The following WNK3 variants were observed in gnomAD, a reference collection of about 807,000 sequenced individuals.
WNK3 encodes the protein WNK lysine deficient protein kinase 3, also known as serine/threonine-protein kinase WNK3.
Under a neutral mutation model 116.7 loss-of-function variants are expected in WNK3, and 18 were observed. The ratio of observed to expected loss-of-function variants is 0.15; its 90% confidence interval spans 0.11 to 0.23. The LOEUF is 0.23. Among genes scored for constraint, WNK3 ranks in the 10% least tolerant of loss-of-function variants. The pLI is 1.00. For missense variants in WNK3, 993 were observed against 1,323.8 expected (o/e 0.75, Z 3.88); for synonymous variants, 404 against 469.4 (o/e 0.86, Z 1.80).
chrX:54,357,327 C>T (rs1219311779), intron 1 of WNK3, among the ~76,000 whole-genome samples: 2 of 109,652 alleles, frequency 1.8e-5, no homozygotes, highest in Non-Finnish European at 3.8e-5. Flanking sequence ...AAAGTTGTCA[C>T]CCCTCAACAA....
At chrX:54,318,782 T>C (rs2068993583) in intron 2 of WNK3, among the ~76,000 whole-genome samples, 2 of 110,499 alleles carry the variant, frequency 1.8e-5, no homozygotes, top group Non-Finnish European at 3.8e-5. Flanking sequence ...TAATAAGTCT[T>C]TTCTTTTTTT....
chrX:54,308,607 A>G (rs370617955), intron 4 of WNK3, among the ~76,000 whole-genome samples: 1 of 112,299 alleles, frequency 8.9e-6, no homozygotes, highest in South Asian at 3.7e-4. Context: ...AGATTAGGTA[A>G]CGATTAATAA....
chrX:54,306,632 G>A (rs1181243396), intron 5 of WNK3, among the ~76,000 whole-genome samples: 1 of 111,053 alleles, frequency 9.0e-6, no homozygotes, highest in East Asian at 2.8e-4. Flanking sequence ...CAGAGACTGG[G>A]AGTTGTGGGG....
intron 22 of WNK3, among the ~76,000 whole-genome samples, chrX:54,215,909 G>A (rs1376023399): frequency 4.5e-5 from 5 of 111,646 alleles, no homozygotes; most frequent in African/African-American, 1.6e-4. Flanking sequence ...AGTAGACATA[G>A]GAGACTCCAT....
intron 2 of WNK3, among the ~76,000 whole-genome samples, 165 bp downstream of exon 2, chrX:54,332,972 A>C (rs1200202761): frequency 9.0e-6 from 1 of 110,639 alleles, no homozygotes; most frequent in Non-Finnish European, 1.9e-5. Flanking sequence ...AAAAGTTTGG[A>C]GTGAGCTCCT....
At chrX:54,337,741 G>GT (rs2147277128) in intron 1 of WNK3, among the ~76,000 whole-genome samples, 1 of 108,790 alleles carries the variant, frequency 9.2e-6, no homozygotes, top group Admixed American at 1.0e-4. Flanking sequence ...GGGTGACTGA[G>GT]TGAGACCCTG....
intron 10 of WNK3, among the ~76,000 whole-genome samples, chrX:54,289,464 C>G (rs2068615585): frequency 9.0e-6 from 1 of 111,261 alleles, no homozygotes; most frequent in African/African-American, 3.3e-5. Context: ...GGCTGAATCA[C>G]ACTTTCAATA....
chrX:54,278,795 G>C (rs1393951829), intron 10 of WNK3, among the ~76,000 whole-genome samples: 1 of 112,035 alleles, frequency 8.9e-6, no homozygotes, highest in Admixed American at 9.5e-5. Context: ...CATAGGCCGG[G>C]CGTGGTGGTT....
intron 1 of WNK3, among the ~76,000 whole-genome samples, chrX:54,353,243 G>A (rs940608122): frequency 3.6e-5 from 4 of 111,464 alleles, no homozygotes; most frequent in African/African-American, 1.3e-4. Flanking sequence ...CGGATCACCT[G>A]AGGTCAGGAG....
exon 16 of WNK3, chrX:54,250,006 G>T: frequency 8.3e-7 from 1 of 1,202,134 alleles, no homozygotes. Context: ...GGAAGTGGAT[G>T]TCGGCCAGGA....
At chrX:54,293,008 C>T (rs370787535) in exon 10 of WNK3, 59 of 1,207,803 alleles carry the variant, frequency 4.9e-5, no homozygotes, top group Middle Eastern at 2.3e-4. Context: ...GCAAAATCTG[C>T]GGCTGAGTCA....
chrX:54,354,187 T>C (rs1426443139), intron 1 of WNK3, among the ~76,000 whole-genome samples: 1 of 111,827 alleles, frequency 8.9e-6, no homozygotes, highest in Non-Finnish European at 1.9e-5. Flanking sequence ...CCAAATCTCA[T>C]AACAAGCTCT....
intron 22 of WNK3, among the ~76,000 whole-genome samples, chrX:54,219,418 AC>A (rs1557146087): frequency 1.8e-5 from 2 of 109,864 alleles, no homozygotes; most frequent in African/African-American, 6.6e-5. Flanking sequence ...GGTGGCTCAC[AC>A]CTGTAATCCC....
intron 10 of WNK3, among the ~76,000 whole-genome samples, chrX:54,289,368 C>A (rs1163772644): frequency 9.9e-5 from 11 of 110,715 alleles, no homozygotes; most frequent in Admixed American, 4.9e-4. Flanking sequence ...CAAAGGGCAG[C>A]TGCTCAGGAG....
chrX:54,286,193 A>G (rs906934330), intron 10 of WNK3, among the ~76,000 whole-genome samples: 2 of 109,802 alleles, frequency 1.8e-5, no homozygotes, highest in African/African-American at 6.6e-5. Flanking sequence ...TAGTGCAGGA[A>G]AACAAACAAA....
In WNK3 at chrX:54,248,842, T is replaced by G; in HGVS notation, c.3506A>C (p.Lys1169Thr). The G allele has an allele frequency of 2.5e-6, 3 of 1,211,622 alleles. No individual in the cohort carries two copies. The African/African-American group carries it at 5.2e-5, about 21-fold the overall frequency. The change falls in exon 17 of 24, where the codon AAA becomes ACA. Residue 1169 changes from lysine to threonine, a missense_variant. Physicochemically the swap from Lys to Thr is moderately conservative, Grantham distance 78. Around this residue, in one of 4 missense-constraint regions of WNK3, gnomAD observed 836 missense variants for 976.5 expected, o/e 0.86. Coordinates refer to ENST00000354646, the Ensembl canonical transcript of WNK3. ...ATTAGGGGATTGTACAGGGCTATCT[T>G]TAATTCCACAGTGACTGATGGCTAT...
chrX:54,198,866 T>G (rs2067474844), intron 23 of WNK3, among the ~76,000 whole-genome samples: 1 of 110,869 alleles, frequency 9.0e-6, no homozygotes, highest in Admixed American at 9.7e-5. Context: ...GTACCTTAAT[T>G]AATGCCATCT....
chrX:54,204,324 G>A (rs782422116), intron 22 of WNK3, among the ~76,000 whole-genome samples: 9 of 110,565 alleles, frequency 8.1e-5, no homozygotes, highest in African/African-American at 2.9e-4. Flanking sequence ...TCACCATGTT[G>A]CCAGGCTGGT....
chrX:54,281,583 C>A (rs782113643), intron 10 of WNK3, among the ~76,000 whole-genome samples: 28 of 111,799 alleles, frequency 2.5e-4, no homozygotes, highest in Non-Finnish European at 4.7e-4. Context: ...GTCTCCATTT[C>A]TCCTACTTCT....
Sources: allele counts gnomAD v4.1 joint callset (sites outside exome capture counted in the v4.1 genomes callset), GRCh38; gene constraint gnomAD v4.1.1; regional missense constraint gnomAD v4.1.1; transcripts MANE v1.5; gene names NCBI Gene and HGNC (gene_info 2026-07-23, HGNC 2026-07-21).